The following PRUNE2 variants were observed in gnomAD, a reference collection of about 807,000 sequenced individuals.
PRUNE2 encodes the protein prune homolog 2 with BCH domain, also known as protein prune homolog 2.
A neutral mutation model predicts 252.0 loss-of-function variants in PRUNE2; 164 were observed. The observed-to-expected ratio is 0.65, with a 90% CI of 0.57 to 0.74. The LOEUF is 0.74. Ranked by LOEUF, PRUNE2 falls within the 30% of genes least tolerant of loss-of-function variation. The pLI is 0.00. For missense variants in PRUNE2, 3,495 were observed against 3,711.0 expected (o/e 0.94, Z 1.51); for synonymous variants, 1,292 against 1,350.2 (o/e 0.96, Z 0.94).
Position 76,796,840 on chromosome 9 carries a change from G to C in PRUNE2, c.756+26792C>G, listed in dbSNP as rs139616038. 3.8e-3 allele frequency among the ~76,000 whole-genome samples: 583 copies of C among 152,306 alleles called. 6 individuals are homozygous for C. The highest frequency in any genetic ancestry group is 0.013 in the African/African-American group (560 of 41,558). ...AATAGAACAAGAAGGCTGAGGAAGAGGGAGCCTCTCCTGCAGAACTTCAGT... is the reference window on the plus strand; with the variant it reads ...AATAGAACAAGAAGGCTGAGGAAGACGGAGCCTCTCCTGCAGAACTTCAGT... On this transcript the variant is annotated intron_variant, in intron 6 of 18. Coordinates refer to ENST00000376718, the MANE Select transcript of PRUNE2 (RefSeq NM_015225.3).
chr9:76,645,733 A>G (rs534856168), intron 11 of PRUNE2, among the ~76,000 whole-genome samples: 1 of 152,190 alleles, frequency 6.6e-6, no homozygotes, highest in Non-Finnish European at 1.5e-5. Flanking sequence ...AATGATGGTT[A>G]TTCTTTGTAT....
intron 6 of PRUNE2, among the ~76,000 whole-genome samples, chr9:76,765,150 T>C (rs374058492): frequency 6.6e-5 from 10 of 152,194 alleles, no homozygotes; most frequent in Admixed American, 6.5e-4. Context: ...AGAGTGGACA[T>C]GCAGTTAGAG....
At chr9:76,701,601 A>G (rs1005023262) in intron 9 of PRUNE2, among the ~76,000 whole-genome samples, 2 of 152,164 alleles carry the variant, frequency 1.3e-5, no homozygotes, top group Non-Finnish European at 2.9e-5. Flanking sequence ...TCTTTCTGAT[A>G]ACGGATCTGG....
rs566932470 is a variant in PRUNE2, at chr9:76,764,311, A to G, written c.757-50590T>C. On this transcript the variant is annotated intron_variant, in intron 6 of 18. Coordinates refer to ENST00000376718, the MANE Select transcript of PRUNE2 (RefSeq NM_015225.3). ...TCAACATAGTGTGACGGGAAGGAGC[A>G]TGATGAGACAGAAGGAAGGTTTAAA... 2.0e-5 allele frequency: 3 copies of G among 152,362 alleles called. No individual in the cohort carries two copies. The East Asian group carries it at 5.8e-4, about 29-fold the overall frequency. The allele number at this position is 152,362 out of a possible 1,614,324, so 9.4% of individuals were successfully genotyped here. A position where few individuals can be genotyped will look rare whatever the true frequency, so the allele number is the denominator to read the frequency against.
chr9:76,774,457 T>TATTTA (rs756648285), intron 6 of PRUNE2, among the ~76,000 whole-genome samples: 33 of 73,550 alleles, frequency 4.5e-4, no homozygotes, highest in Non-Finnish European at 6.0e-4. Flanking sequence ...ACCCTTTTTT[T>TATTTA]TTTTTTTTTT....
intron 1 of PRUNE2, among the ~76,000 whole-genome samples, chr9:76,904,292 G>A (rs1209514514): frequency 6.6e-6 from 1 of 151,922 alleles, no homozygotes; most frequent in African/African-American, 2.4e-5. Flanking sequence ...ATAAATTACA[G>A]ATTACTTTCA....
At position 76,629,172 on chromosome 9, in the gene PRUNE2, C is replaced by T; in HGVS notation, c.9149+20G>A. The T allele has an allele frequency of 6.7e-7, 1 of 1,493,710 alleles. No homozygotes were observed. The highest frequency in any genetic ancestry group is 9.3e-7 in the Non-Finnish European group (1 of 1,080,560). 92.5% of individuals were successfully genotyped at this position (1,493,710 alleles called of 1,614,324 possible). On this transcript the variant is annotated intron_variant, in intron 16 of 18. Transcript: ENST00000376718. ...ACTAGTACTATTTCTTAACACATCTCTGAAACTGTCAGGACTTACTTGATG... is the reference window on the plus strand; with the variant it reads ...ACTAGTACTATTTCTTAACACATCTTTGAAACTGTCAGGACTTACTTGATG...
At chr9:76,801,941 CAAATT>C (rs1004138614) in intron 6 of PRUNE2, among the ~76,000 whole-genome samples, 1 of 152,060 alleles carries the variant, frequency 6.6e-6, no homozygotes, top group Non-Finnish European at 1.5e-5. Context: ...TATAAGGTGA[CAAATT>C]AACCATATGG....
rs549989856 is a variant in PRUNE2, at chr9:76,642,070, T to C, written c.8728+2669A>G. The C allele has an allele frequency of 1.1e-4, 108 of 975,828 alleles. 1 individual carries two copies. The South Asian group carries it at 1.6e-3, about 14-fold the overall frequency. 60.4% of individuals were successfully genotyped at this position (975,828 alleles called of 1,614,324 possible). On this transcript the variant is annotated intron_variant, in intron 12 of 18. Transcript: ENST00000376718. ...TTAAAATTACTTGGCATTATTGTTC[T>C]CCATTATTTAAATGGGTTTCTCAGC...
chr9:76,752,036 A>AT (rs11401508), intron 6 of PRUNE2, among the ~76,000 whole-genome samples: 100,243 of 151,700 alleles, frequency 0.66, 33,845 homozygotes, highest in East Asian at 0.84. Context: ...AAATATCAGG[A>AT]TTAGATGGGC....
At chr9:76,616,315 G>A (rs1427425450) in intron 18 of PRUNE2, among the ~76,000 whole-genome samples, 1 of 152,078 alleles carries the variant, frequency 6.6e-6, no homozygotes, top group Non-Finnish European at 1.5e-5. Flanking sequence ...GCTTTTAAAA[G>A]GTCCTTCCTG....
rs1181472051 is a variant in PRUNE2, at chr9:76,625,173, A to G, written c.9150-683T>C. ...TGAGAGAAAATGCCTATCCAGATAC[A>G]GTCATGCACCATGTAACATCATTTG... On this transcript the variant is annotated intron_variant, in intron 16 of 18. Transcript: ENST00000376718. 1.9e-5 allele frequency: 11 copies of G among 576,124 alleles called. No individual in the cohort carries two copies. The East Asian group carries it at 7.5e-4, about 39-fold the overall frequency. The allele number at this position is 576,124 out of a possible 1,614,324, so 35.7% of individuals were successfully genotyped here.
intron 1 of PRUNE2, among the ~76,000 whole-genome samples, chr9:76,860,763 C>A (rs1228682283): frequency 6.6e-6 from 1 of 152,094 alleles, no homozygotes; most frequent in Non-Finnish European, 1.5e-5. Flanking sequence ...TCATTTCTAA[C>A]CAAAAAAATG....
chr9:76,851,073 T>C (rs955583437), intron 2 of PRUNE2, among the ~76,000 whole-genome samples: 1 of 152,054 alleles, frequency 6.6e-6, no homozygotes, highest in Admixed American at 6.6e-5. Flanking sequence ...ATTCTCTTCT[T>C]TAAGAGTAAC....
At chr9:76,669,342 G>A (rs1293956585) in intron 9 of PRUNE2, among the ~76,000 whole-genome samples, 3 of 150,896 alleles carry the variant, frequency 2.0e-5, no homozygotes, top group Admixed American at 2.0e-4. Context: ...TTTTTGAGAT[G>A]AAGTTTCACT....
chr9:76,693,775 G>A (rs1217773805), intron 9 of PRUNE2, among the ~76,000 whole-genome samples: 2 of 152,150 alleles, frequency 1.3e-5, no homozygotes, highest in Non-Finnish European at 2.9e-5. Flanking sequence ...AAAGGGAGTA[G>A]ATGAAGAAGG....
At chr9:76,665,449 C>T (rs1353189140) in intron 9 of PRUNE2, among the ~76,000 whole-genome samples, 6 of 152,128 alleles carry the variant, frequency 3.9e-5, no homozygotes, top group South Asian at 2.1e-4. Context: ...CCCACAGAGT[C>T]GGGTCATGTC....
intron 6 of PRUNE2, among the ~76,000 whole-genome samples, chr9:76,763,023 A>C (rs117900470): frequency 0.023 from 3,533 of 152,182 alleles, 61 homozygotes; most frequent in Middle Eastern, 0.027. Context: ...CTCTACCGCA[A>C]ACCTGCACTC....
intron 1 of PRUNE2, among the ~76,000 whole-genome samples, chr9:76,890,702 G>A (rs527701154): frequency 2.6e-5 from 4 of 152,076 alleles, no homozygotes; most frequent in Admixed American, 6.5e-5. Context: ...CTCCCAACAC[G>A]GGGTCTGTAA....
Sources: gnomAD v4.1 joint callset for allele counts (sites outside exome capture counted in the v4.1 genomes callset) on GRCh38, gnomAD v4.1.1 for gene constraint, MANE v1.5 for transcripts, NCBI Gene and HGNC (gene_info 2026-07-23, HGNC 2026-07-21) for gene names.